ESR1: variants seen among roughly 807,000 people sequenced by gnomAD.
The protein encoded by ESR1 is estrogen receptor 1, also known as estrogen receptor.
Under a neutral mutation model 52.7 loss-of-function variants are expected in ESR1, and 12 were observed. The observed-to-expected ratio is 0.23, with a 90% CI of 0.15 to 0.37. The LOEUF is 0.37. Among genes scored for constraint, ESR1 ranks in the 10% least tolerant of loss-of-function variants. ESR1 has a pLI of 1.00. For synonymous variants in ESR1, 305 were observed against 316.8 expected, an observed-to-expected ratio of 0.96 and a Z score of 0.39; for missense variants, 584 against 779.7, an observed-to-expected ratio of 0.75 and a Z score of 2.99.
upstream of ESR1, among the ~76,000 whole-genome samples, chr6:151,800,702 A>G (rs376985328): frequency 6.6e-6 from 1 of 152,194 alleles, no homozygotes; most frequent in African/African-American, 2.4e-5. Flanking sequence ...GAGCTGACCA[A>G]AACAGTTCTC....
chr6:152,039,724 C>T (rs758470730), intron 5 of ESR1, among the ~76,000 whole-genome samples: 10 of 152,126 alleles, frequency 6.6e-5, no homozygotes, highest in Non-Finnish European at 1.0e-4. Flanking sequence ...CATACACAGC[C>T]TTCTGGAAAA....
intron 3 of ESR1, among the ~76,000 whole-genome samples, chr6:151,927,836 GC>G (rs2032991062): frequency 6.6e-6 from 1 of 151,840 alleles, no homozygotes; most frequent in Non-Finnish European, 1.5e-5. Flanking sequence ...TCATGTGTCA[GC>G]CTCCCGAGTA....
At chr6:151,715,819 C>T (rs1780988537) in intron 2 of ESR1, among the ~76,000 whole-genome samples, 1 of 152,172 alleles carries the variant, frequency 6.6e-6, no homozygotes, top group Admixed American at 6.5e-5. Flanking sequence ...TACTCACCTT[C>T]TGAAGCCGGC....
At chr6:152,110,862 G>T (rs894615534) in intron 6 of ESR1, among the ~76,000 whole-genome samples, 1 of 152,106 alleles carries the variant, frequency 6.6e-6, no homozygotes, top group Non-Finnish European at 1.5e-5. Flanking sequence ...TTGTCTTTCT[G>T]GTGGGCAGCC....
At chr6:151,820,028 G>GA (rs1780310831) in intron 1 of ESR1, among the ~76,000 whole-genome samples, 1 of 152,120 alleles carries the variant, frequency 6.6e-6, no homozygotes, top group African/African-American at 2.4e-5. Context: ...GATAGACAAT[G>GA]AAAAAACAGT....
At chr6:152,113,945 T>C (rs570886043) in intron 6 of ESR1, among the ~76,000 whole-genome samples, 12 of 152,310 alleles carry the variant, frequency 7.9e-5, no homozygotes, top group Admixed American at 7.8e-4. Flanking sequence ...TATTTTTGGC[T>C]CCAGAGTTTA....
intron 1 of ESR1, among the ~76,000 whole-genome samples, chr6:151,675,544 TG>T (rs1246133989): frequency 6.6e-6 from 1 of 151,676 alleles, no homozygotes; most frequent in African/African-American, 2.4e-5. Context: ...TGAACTGGAA[TG>T]AAAAAAAAAT....
At chr6:151,877,087 A>T (rs920751114) in intron 2 of ESR1, among the ~76,000 whole-genome samples, 1 of 152,116 alleles carries the variant, frequency 6.6e-6, no homozygotes, top group Non-Finnish European at 1.5e-5. Context: ...AGAAGACCAG[A>T]TAATAAAATT....
At chr6:151,976,048 A>G (rs574628722) in intron 4 of ESR1, among the ~76,000 whole-genome samples, 1 of 152,202 alleles carries the variant, frequency 6.6e-6, no homozygotes, top group East Asian at 1.9e-4. Context: ...AACTTCAAAG[A>G]GCATTGTTTT....
chr6:152,000,145 T>C (rs1298310615), intron 4 of ESR1, among the ~76,000 whole-genome samples: 4 of 152,198 alleles, frequency 2.6e-5, no homozygotes, highest in Non-Finnish European at 5.9e-5. Context: ...TTTCTAGTTT[T>C]CACCATAACA....
chr6:151,681,051 C>T (rs1409103493), intron 1 of ESR1, among the ~76,000 whole-genome samples: 1 of 152,148 alleles, frequency 6.6e-6, no homozygotes, highest in Admixed American at 6.5e-5. Context: ...CTGCCAGCTG[C>T]CTGGGATGGC....
In ESR1 at chr6:151,833,455, C is replaced by G. The variant is rs151003616; in HGVS notation, c.453-9142C>G. The stretch of plus-strand genomic sequence containing the variant: ...TAGCCGTGGAGGAGACATGAAGGTC[C>G]ATTTTGCATGGTAGAACCCTGCCTG... On this transcript the variant is annotated intron_variant, in intron 1 of 7. Transcript: ENST00000206249. Among the ~76,000 whole-genome samples the G allele has an allele frequency of 2.8e-4, 42 of 152,224 alleles. No homozygotes were observed. In the East Asian group the frequency reaches 6.8e-3, roughly 25 times the overall value.
intron 6 of ESR1, among the ~76,000 whole-genome samples, chr6:152,074,444 T>C (rs1585118579): frequency 6.6e-6 from 1 of 152,244 alleles, no homozygotes; most frequent in East Asian, 1.9e-4. Flanking sequence ...TATCATTGAA[T>C]ACTACTACTC....
upstream of ESR1, among the ~76,000 whole-genome samples, chr6:151,801,051 G>GGTGTGTGTGTGTGTGTGTGTGTGT (rs3062689): frequency 4.7e-5 from 7 of 147,612 alleles, no homozygotes; most frequent in East Asian, 1.0e-3. Context: ...TTGATTATGT[G>GGTGTGTGTGTGTGTGTGTGTGTGT]GTGTGTGTGT....
At chr6:152,121,441 G>T (rs2051362378) in intron 6 of ESR1, among the ~76,000 whole-genome samples, 1 of 152,146 alleles carries the variant, frequency 6.6e-6, no homozygotes, top group Middle Eastern at 3.2e-3. Context: ...AGGATGAAAG[G>T]TTTCCGGAAA....
At chr6:152,032,623 G>T (rs1213110447) in intron 5 of ESR1, among the ~76,000 whole-genome samples, 1 of 152,114 alleles carries the variant, frequency 6.6e-6, no homozygotes, top group Non-Finnish European at 1.5e-5. Flanking sequence ...ACAAACCACT[G>T]CTCAACAAAA....
chr6:151,861,603 G>A (rs190923435), intron 2 of ESR1, among the ~76,000 whole-genome samples: 1 of 152,150 alleles, frequency 6.6e-6, no homozygotes, highest in Admixed American at 6.6e-5. Flanking sequence ...CACGTTCACT[G>A]CAAAGCCCAG....
intron 4 of ESR1, among the ~76,000 whole-genome samples, chr6:151,994,790 C>T (rs1163599742): frequency 6.6e-6 from 1 of 152,082 alleles, no homozygotes; most frequent in Non-Finnish European, 1.5e-5. Context: ...GAAATAGATG[C>T]TCATTGATAA....
At chr6:152,106,339 G>A (rs1183564155), downstream of ESR1, among the ~76,000 whole-genome samples, 2 of 152,130 alleles carry the variant, frequency 1.3e-5, no homozygotes, top group South Asian at 2.1e-4. Context: ...CTGCGTATTT[G>A]CCAATTCCAG....
Sources: gnomAD v4.1 joint callset for allele counts (sites outside exome capture counted in the v4.1 genomes callset) on GRCh38, gnomAD v4.1.1 for gene constraint, MANE v1.5 for transcripts, NCBI Gene and HGNC (gene_info 2026-07-23, HGNC 2026-07-21) for gene names.